Variants in PARVB observed in about 807,000 individuals in gnomAD.
PARVB encodes the protein parvin beta, also known as beta-parvin.
Under a neutral mutation model 47.0 loss-of-function variants are expected in PARVB, and 46 were observed. That is an observed-to-expected ratio of 0.98 (90% CI 0.77 to 1.25). The LOEUF (loss-of-function observed/expected upper bound fraction) is 1.25, where lower values mean the gene tolerates loss of function less well. Ranked by LOEUF, PARVB falls within the 50% of genes most tolerant of loss-of-function variation. PARVB has a pLI of 0.00. For synonymous variants in PARVB, 196 were observed against 196.3 expected, an observed-to-expected ratio of 1.00 and a Z score of 0.01; for missense variants, 473 against 471.6, an observed-to-expected ratio of 1.00 and a Z score of -0.03.
At chr22:44,129,383 C>T (rs2053260527) in intron 4 of PARVB, among the ~76,000 whole-genome samples, 1 of 152,212 alleles carries the variant, frequency 6.6e-6, no homozygotes, top group South Asian at 2.1e-4. Context: ...GCAGCCCAGA[C>T]AAACGAATCC....
chr22:44,151,284 T>C lies in PARVB; in HGVS notation c.775-199T>C, dbSNP rs1379562894. On this transcript the variant is annotated intron_variant, in intron 9 of 12. Transcript: ENST00000338758. ...GGTGAGCAGAGACGTGTAGCCAGGA[T>C]AGATGTGGGCATTATGCCATGAAAA... The C allele has an allele frequency of 8.0e-5, 44 of 547,500 alleles. No homozygotes were observed. The East Asian group carries it at 1.3e-3, about 16-fold the overall frequency. 33.9% of individuals were successfully genotyped at this position (547,500 alleles called of 1,614,324 possible). A position where few individuals can be genotyped will look rare whatever the true frequency, so the allele number is the denominator to read the frequency against.
upstream of PARVB, among the ~76,000 whole-genome samples, chr22:44,021,021 G>A (rs143399038): frequency 6.8e-4 from 103 of 152,242 alleles, 1 homozygote; most frequent in East Asian, 0.011. Flanking sequence ...GACCTCAAGC[G>A]ATCCACCCAC....
At position 44,168,877 on chromosome 22, in the gene PARVB, A is replaced by G; in HGVS notation, c.*199A>G. 2 of 545,186 alleles carry G rather than the reference A, an allele frequency of 3.7e-6. No homozygotes were observed. Among genetic ancestry groups the G allele is most frequent in the East Asian group, 3.0e-5 (1 of 33,106 alleles). The allele number at this position is 545,186 out of a possible 1,614,324, so 33.8% of individuals were successfully genotyped here. Reference sequence around the variant, plus strand: ...GTTGTTCTTAATCTCCTCTCCATGTAGTTCCCAGTGGGCAAGAGCCTTTGA... The same window carrying G: ...GTTGTTCTTAATCTCCTCTCCATGTGGTTCCCAGTGGGCAAGAGCCTTTGA... On this transcript the variant is annotated 3_prime_UTR_variant, in exon 13 of 13. Coordinates refer to ENST00000338758, the MANE Select transcript of PARVB (RefSeq NM_013327.5).
At chr22:44,136,348 T>C in intron 6 of PARVB, 112 bp from the exon 7 acceptor site, 2 of 920,354 alleles carry the variant, frequency 2.2e-6, no homozygotes, top group Middle Eastern at 4.2e-4. Flanking sequence ...CTCCTTCTCC[T>C]GTTGCTCTTT....
rs559347235 is a variant in PARVB, at chr22:44,125,586, AAG to A, written c.377-5898_377-5897del. ...TCTGGGCTGAGGCTCTAAAGCGAGA[AAG>A]AGCCTGTTGTGTTGGAGGAGCAGTG... On this transcript the variant is annotated intron_variant, in intron 4 of 12. Coordinates refer to ENST00000338758, the MANE Select transcript of PARVB (RefSeq NM_013327.5). This position sits in a 1 kb window ranked among gnomAD's most constrained non-coding sequence, Gnocchi z 4.1. Among the ~76,000 whole-genome samples, 24 of 152,282 alleles carry A rather than the reference AAG, an allele frequency of 1.6e-4. No individual in the cohort carries two copies. In the Middle Eastern group the frequency reaches 0.024, roughly 151 times the overall value.
intron 3 of PARVB, chr22:44,107,361 C>G (rs1212930856): frequency 6.6e-6 from 1 of 152,218 alleles, no homozygotes; most frequent in Non-Finnish European, 1.5e-5. Context: ...TATTCTTATG[C>G]TTTCCAGAAT....
At chr22:44,153,077 G>C (rs540275997) in intron 10 of PARVB, 1 of 152,106 alleles carries the variant, frequency 6.6e-6, no homozygotes, top group Non-Finnish European at 1.5e-5. Flanking sequence ...AAAGCATCAC[G>C]GTCTGTTTTT....
intron 2 of PARVB, among the ~76,000 whole-genome samples, chr22:44,094,956 G>A (rs1006929342): frequency 3.3e-5 from 5 of 151,378 alleles, no homozygotes; most frequent in African/African-American, 1.2e-4. Context: ...GCGTGGCGTG[G>A]TATGGTGTGG....
chr22:44,077,616 C>T lies in PARVB; in HGVS notation c.113-16312C>T, dbSNP rs866754627. On this transcript the variant is annotated intron_variant, in intron 1 of 12. Transcript: ENST00000338758. ...CTTACGAGTCCTGGCCAGGATGTGA[C>T]GGGGAGTCGCCAGGTGGGTGCCGGG... Among the ~76,000 whole-genome samples, 8 of 152,222 alleles carry T rather than the reference C, an allele frequency of 5.3e-5. No individual in the cohort carries two copies. The Middle Eastern group carries it at 0.01, about 194-fold the overall frequency.
rs371003104 is a variant in PARVB at position 44,061,191 on chromosome 22, G to A, written c.113-32737G>A. Reference sequence around the variant, plus strand: ...TGCCTGTAATCCCAGCACTTTGGGAGGCCGAGGCAGGCAGATCACCTGAGG... The same window carrying A: ...TGCCTGTAATCCCAGCACTTTGGGAAGCCGAGGCAGGCAGATCACCTGAGG... On this transcript the variant is annotated intron_variant, in intron 1 of 12. Coordinates refer to ENST00000338758, the MANE Select transcript of PARVB (RefSeq NM_013327.5). Among the ~76,000 whole-genome samples, 31 of 152,274 alleles carry A rather than the reference G, an allele frequency of 2.0e-4. 2 individuals are homozygous for A. Among genetic ancestry groups the A allele is most frequent in the Admixed American group, 1.1e-3 (17 of 15,298 alleles).
At chr22:44,159,513 A>G (rs1304160749) in intron 11 of PARVB, among the ~76,000 whole-genome samples, 1 of 152,182 alleles carries the variant, frequency 6.6e-6, no homozygotes, top group Non-Finnish European at 1.5e-5. Context: ...ATTTTCAGGT[A>G]TAGCATGCAG....
At position 44,055,629 on chromosome 22, in the gene PARVB, A is replaced by G. The variant is rs1038500773; in HGVS notation, c.112+31178A>G. 3.3e-5 allele frequency among the ~76,000 whole-genome samples: 5 copies of G among 151,378 alleles called. No individual in the cohort carries two copies. In the East Asian group the frequency reaches 5.9e-4, roughly 18 times the overall value. On this transcript the variant is annotated intron_variant, in intron 1 of 12. Transcript: ENST00000338758. ...ATTACAGGCGTGAGCCACCGCGCCC[A>G]GCCTGTCTCTCTGTCTGTCTCTATC...
chr22:44,012,801 T>C (rs34180936), intron 2 of PARVB, among the ~76,000 whole-genome samples: 4 of 152,008 alleles, frequency 2.6e-5, no homozygotes, highest in African/African-American at 9.7e-5. Context: ...CTACAGGCGG[T>C]TTTTATTTAT....
chr22:44,161,308 C>CTTTTT (rs769442547), intron 11 of PARVB, among the ~76,000 whole-genome samples: 6 of 128,712 alleles, frequency 4.7e-5, no homozygotes, highest in Middle Eastern at 3.9e-3. Flanking sequence ...TTTTTCTTTT[C>CTTTTT]TTTTTTTTTT....
upstream of PARVB, among the ~76,000 whole-genome samples, chr22:44,020,040 C>T (rs1478690476): frequency 2.0e-5 from 3 of 152,290 alleles, no homozygotes; most frequent in South Asian, 2.1e-4. Context: ...GATTTCTCCC[C>T]GCCAGCAAGT....
intron 3 of PARVB, chr22:44,107,033 A>T (rs1381675217): frequency 6.6e-6 from 1 of 152,258 alleles, no homozygotes; most frequent in Non-Finnish European, 1.5e-5. Context: ...ATAATGTTAG[A>T]TCATACACTT....
chr22:44,036,018 G>A (rs995202982), intron 1 of PARVB, among the ~76,000 whole-genome samples: 2 of 152,134 alleles, frequency 1.3e-5, no homozygotes, highest in African/African-American at 4.8e-5. Context: ...AGCACTTTGG[G>A]AGGCCGAGGC....
At chr22:44,131,298 C>G (rs765485434) in intron 4 of PARVB, among the ~76,000 whole-genome samples, 189 bp from the exon 5 acceptor site, 1 of 151,718 alleles carries the variant, frequency 6.6e-6, no homozygotes, top group Non-Finnish European at 1.5e-5. Context: ...TGCGCCACCA[C>G]GCCTGGCTAA....
chr22:44,167,842 G>C (rs1213764753), intron 12 of PARVB, among the ~76,000 whole-genome samples: 1 of 152,236 alleles, frequency 6.6e-6, no homozygotes, highest in Non-Finnish European at 1.5e-5. Context: ...GGTCCTCTTT[G>C]TAAAACGAGA....
Sources: gnomAD v4.1 joint callset for allele counts (sites outside exome capture counted in the v4.1 genomes callset) on GRCh38, gnomAD v4.1.1 for gene constraint, Gnocchi (gnomAD v3.1) non-coding constraint, MANE v1.5 for transcripts, NCBI Gene and HGNC (gene_info 2026-07-23, HGNC 2026-07-21) for gene names.